The following MRPS18A variants were observed in gnomAD, a reference collection of about 807,000 sequenced individuals.
MRPS18A encodes the protein mitochondrial ribosomal protein S18A, also known as large ribosomal subunit protein mL66.
A neutral mutation model predicts 22.7 loss-of-function variants in MRPS18A; 20 were observed. That is an observed-to-expected ratio of 0.88 (90% confidence interval 0.62 to 1.28). The LOEUF (loss-of-function observed/expected upper bound fraction) is 1.28. Ranked by LOEUF, MRPS18A falls within the 50% of genes most tolerant of loss-of-function variation. The pLI, the probability that MRPS18A is intolerant of heterozygous loss-of-function variation, is 0.00. For missense variants in MRPS18A, 294 were observed against 262.6 expected, an observed-to-expected ratio of 1.12 and a Z score of -0.83; for synonymous variants, 106 against 99.1, an observed-to-expected ratio of 1.07 and a Z score of -0.41.
chr6:43,683,511 C>A (rs373293561), intron 1 of MRPS18A, among the ~76,000 whole-genome samples: 1 of 152,334 alleles, frequency 6.6e-6, no homozygotes, highest in African/African-American at 2.4e-5. Flanking sequence ...TTGTTCCTGG[C>A]TGCCTCCCTA....
intron 3 of MRPS18A, among the ~76,000 whole-genome samples, chr6:43,675,893 G>A (rs1774026699): frequency 6.6e-6 from 1 of 151,088 alleles, no homozygotes; most frequent in Non-Finnish European, 1.5e-5. Flanking sequence ...TCACTCTGTT[G>A]CCCAGGCTGG....
At chr6:43,679,648 C>T (rs1019797364) in intron 2 of MRPS18A, among the ~76,000 whole-genome samples, 11 of 151,984 alleles carry the variant, frequency 7.2e-5, no homozygotes, top group Admixed American at 4.6e-4. Context: ...GAGGCTGGGA[C>T]GGGTCTGAGA....
rs1417222304 is a variant in MRPS18A at position 43,675,110 on chromosome 6, T to G, written c.446+92A>C. On this transcript the variant is annotated intron_variant, in intron 5 of 5. Coordinates refer to ENST00000372133, the MANE Select transcript of MRPS18A (RefSeq NM_018135.4). ...GGGTGGACTGATGGGGGTGGATGCTTAAGCTGGCAGGGAATGGAACAGACA... is the reference window on the plus strand; with the variant it reads ...GGGTGGACTGATGGGGGTGGATGCTGAAGCTGGCAGGGAATGGAACAGACA... 4 of 1,169,100 alleles carry G rather than the reference T, an allele frequency of 3.4e-6. No homozygotes were observed. The East Asian group carries it at 1.0e-4, about 30-fold the overall frequency. The allele number at this position is 1,169,100 out of a possible 1,614,324, so 72.4% of individuals were successfully genotyped here. A position where few individuals can be genotyped will look rare whatever the true frequency, so the allele number is the denominator to read the frequency against.
At chr6:43,678,430 C>T (rs773713860) in intron 3 of MRPS18A, 88 bp downstream of exon 3, 5 of 982,474 alleles carry the variant, frequency 5.1e-6, no homozygotes, top group South Asian at 4.0e-5. Flanking sequence ...GCAGCAGTAG[C>T]TACAGCGGGG....
At chr6:43,675,763 G>A (rs1774020734) in intron 3 of MRPS18A, 146 bp from the exon 4 acceptor site, 2 of 920,400 alleles carry the variant, frequency 2.2e-6, no homozygotes, top group Non-Finnish European at 1.6e-6. Context: ...TTTGCACATG[G>A]GTCTGCTACC....
rs1773720635 is a variant in MRPS18A, at chr6:43,671,881, A to C, written c.472T>G (p.Ser158Ala). The change falls in exon 6 of 6, where the codon TCC becomes GCC. Residue 158 changes from serine (S) to alanine (A), a missense_variant. Ser to Ala is a moderately conservative substitution (Grantham distance 99, BLOSUM62 1). Transcript: ENST00000372133. ...CCTTTTTTGTAGATGGGCTTGACGG[A>C]GCCAGGAGCCCAGCGCGTCAGGTAC... ...NRYLTRWAPG[S>A]VKPIYKKGPR... 2 of 1,612,916 alleles carry C rather than the reference A, an allele frequency of 1.2e-6. No homozygotes were observed. The highest frequency in any genetic ancestry group is 2.2e-5 in the South Asian group (2 of 90,966).
chr6:43,687,556 C>A, intron 1 of MRPS18A, 112 bp downstream of exon 1: 1 of 1,000,604 alleles, frequency 1.0e-6, no homozygotes, highest in South Asian at 1.5e-5. Flanking sequence ...CCGGTACCTC[C>A]AAAGTTTCAG....
chr6:43,684,834 A>G (rs1382542867), intron 1 of MRPS18A, among the ~76,000 whole-genome samples: 1 of 152,172 alleles, frequency 6.6e-6, no homozygotes, highest in Non-Finnish European at 1.5e-5. Context: ...CTGACAAATC[A>G]TGTCTTAATT....
chr6:43,687,251 T>C (rs1056258269), intron 1 of MRPS18A, among the ~76,000 whole-genome samples: 2 of 152,126 alleles, frequency 1.3e-5, no homozygotes, highest in Non-Finnish European at 2.9e-5. Context: ...CACAGCATTT[T>C]GAGAAGGGAA....
rs757188553 is a variant in MRPS18A, at chr6:43,678,556, T to C, written c.214A>G (p.Ile72Val). The C allele has an allele frequency of 9.3e-6, 15 of 1,613,890 alleles. No homozygotes were observed. The highest frequency in any genetic ancestry group is 4.4e-5 in the South Asian group (4 of 91,074). Residue 72 changes from isoleucine to valine, a missense_variant, in exon 3 of 6, where the codon ATC (isoleucine) becomes GTC (valine). Transcript: ENST00000372133. ...TTGTGCTTCAGGTTCCAACGGCAGA[T>C]GGGGCACTGGCCAGAGGGGTTAGGA... is the stretch of plus-strand genomic sequence containing the variant. ...NPPNPSGQCP[I>V]CRWNLKHKYN...
chr6:43,684,283 G>C (rs1774571160), intron 1 of MRPS18A, among the ~76,000 whole-genome samples: 1 of 151,980 alleles, frequency 6.6e-6, no homozygotes, highest in South Asian at 2.1e-4. Flanking sequence ...GTCCCTCTTG[G>C]AGAGGATCTG....
Position 43,671,683 on chromosome 6 carries a change from G to A in MRPS18A, c.*79C>T. ...CGTGGTGGGGTGGGACAGGAGTATA[G>A]TTGTGGCCAAGGGCTTGTGAGTGGG... On this transcript the variant is annotated 3_prime_UTR_variant, in exon 6 of 6. Transcript: ENST00000372133. The A allele has an allele frequency of 1.3e-6, 2 of 1,554,232 alleles. No individual in the cohort carries two copies.
intron 2 of MRPS18A, 116 bp downstream of exon 2, chr6:43,680,973 G>T: frequency 1.1e-6 from 1 of 894,390 alleles, no homozygotes; most frequent in Non-Finnish European, 1.8e-6. Context: ...TATGGTCATT[G>T]AGGGAGCTGA....
intron 1 of MRPS18A, among the ~76,000 whole-genome samples, chr6:43,685,995 G>A (rs774531454): frequency 1.3e-5 from 2 of 152,122 alleles, no homozygotes; most frequent in East Asian, 1.9e-4. Flanking sequence ...AGAGGTGGGC[G>A]TTCTCACTAC....
chr6:43,675,517 C>T lies in MRPS18A; in HGVS notation c.353G>A (p.Cys118Tyr), dbSNP rs2127944211. 1 of 1,614,192 alleles carries T rather than the reference C, an allele frequency of 6.2e-7. No homozygotes were observed. The highest frequency in any genetic ancestry group is 8.5e-7 in the Non-Finnish European group (1 of 1,180,034). ...ACCTGCTCGGTGGGCCATCTTCACA[C>T]ACTCCTCGATCTTGCGGTGTTCTTC... ...CQEEHRKIEE[C>Y]VKMAHRAGLL... The change falls in exon 4 of 6, where the codon TGT becomes TAT. Residue 118 changes from cysteine to tyrosine, a missense_variant. Coordinates refer to ENST00000372133, the MANE Select transcript of MRPS18A (RefSeq NM_018135.4).
chr6:43,681,111 G>C lies in MRPS18A; in HGVS notation c.122C>G (p.Thr41Ser). ...TACTATAGTTGTCTTCCCTTCTTGG[G>C]TCTCCACCACTACGGAGATAAAGGG... ...PARGFREVVE[T>S]QEGKTTIIEG... Residue 41 changes from threonine (T) to serine (S), a missense_variant, in exon 2 of 6, where the codon ACC (threonine) becomes AGC (serine). Transcript: ENST00000372133. 1 of 1,613,462 alleles carries C rather than the reference G, an allele frequency of 6.2e-7. No homozygotes were observed. The highest frequency in any genetic ancestry group is 8.5e-7 in the Non-Finnish European group (1 of 1,179,518).
intron 3 of MRPS18A, among the ~76,000 whole-genome samples, chr6:43,677,133 G>A (rs1374424362): frequency 6.6e-6 from 1 of 152,182 alleles, no homozygotes; most frequent in South Asian, 2.1e-4. Context: ...GTGGTTGGGC[G>A]GGTGTGGGGT....
At position 43,673,035 on chromosome 6, in the gene MRPS18A, T is replaced by C. The variant is rs902457944; in HGVS notation, c.447-1129A>G. Among the ~76,000 whole-genome samples the C allele has an allele frequency of 6.7e-6, 1 of 149,392 alleles. No individual in the cohort carries two copies. Among genetic ancestry groups the C allele is most frequent in the Admixed American group, 6.8e-5 (1 of 14,788 alleles). Reference sequence around the variant, plus strand: ...CGAAGTCTTGCTCTGTTGCCCAAGCTGGAGTGCAGTGGCGCGATCTCGGCT... The same window carrying C: ...CGAAGTCTTGCTCTGTTGCCCAAGCCGGAGTGCAGTGGCGCGATCTCGGCT... On this transcript the variant is annotated intron_variant, in intron 5 of 5. Transcript: ENST00000372133. The surrounding 1 kb of genome is among the most constrained non-coding windows in gnomAD (Gnocchi z 4.2).
chr6:43,672,426 C>T (rs1386922593), intron 5 of MRPS18A: 1 of 471,164 alleles, frequency 2.1e-6, no homozygotes, highest in East Asian at 6.9e-5. Context: ...GTGGGCGCAG[C>T]CCTAGCCTAG....
Sources: gnomAD v4.1 joint callset for allele counts (sites outside exome capture counted in the v4.1 genomes callset) on GRCh38, gnomAD v4.1.1 for gene constraint, Gnocchi (gnomAD v3.1) non-coding constraint, MANE v1.5 for transcripts, NCBI Gene and HGNC (gene_info 2026-07-23, HGNC 2026-07-21) for gene names.